The following TSPEAR variants were observed in gnomAD, a reference collection of about 807,000 sequenced individuals.
TSPEAR encodes the protein thrombospondin-type laminin G domain and EAR repeat-containing protein.
TSPEAR carries 69 observed loss-of-function variants against 71.6 expected under a neutral mutation model. That is an observed-to-expected ratio of 0.96 (90% CI 0.79 to 1.18). The LOEUF is 1.18. Ranked by LOEUF, TSPEAR falls within the 50% of genes most tolerant of loss-of-function variation. The pLI is 0.00. For synonymous variants in TSPEAR, 402 were observed against 387.2 expected (o/e 1.04, Z -0.45); for missense variants, 971 against 894.9 (o/e 1.09, Z -1.09).
intron 5 of TSPEAR, 89 bp from the exon 6 acceptor site, chr21:44,528,672 C>T (rs2052905964): frequency 6.6e-7 from 1 of 1,516,044 alleles, no homozygotes; most frequent in Admixed American, 2.1e-5. Context: ...ACCAGGCTGC[C>T]CTGCCTCAGC....
chr21:44,598,302 G>T (rs1206076096), intron 1 of TSPEAR, among the ~76,000 whole-genome samples: 1 of 152,168 alleles, frequency 6.6e-6, no homozygotes, highest in African/African-American at 2.4e-5. Context: ...TTTAAATTGT[G>T]CGGCGCAATC....
At chr21:44,702,478 G>A (rs1263890514) in intron 1 of TSPEAR, 74 of 1,608,878 alleles carry the variant, frequency 4.6e-5, no homozygotes, top group South Asian at 1.7e-4. Flanking sequence ...CTGTGTGCCC[G>A]TCTGCTGCAA....
chr21:44,517,793 G>A (rs949967419), intron 9 of TSPEAR: 8 of 471,208 alleles, frequency 1.7e-5, no homozygotes, highest in South Asian at 7.7e-5. Flanking sequence ...CAGGGCTGCC[G>A]ATGGGAAATC....
chr21:44,698,660 G>A (rs782420546), intron 1 of TSPEAR, among the ~76,000 whole-genome samples: 21 of 152,196 alleles, frequency 1.4e-4, no homozygotes, highest in Non-Finnish European at 2.2e-4. Context: ...AGAGAGGATG[G>A]CTCGCTCCAC....
rs8127026 is a variant in TSPEAR at position 44,531,203 on chromosome 21, A to G, written c.543-70T>C. The G allele has an allele frequency of 0.019, 23,786 of 1,266,424 alleles. 3,041 individuals are homozygous for G. In the African/African-American group the frequency reaches 0.29, roughly 15 times the overall value. The allele number at this position is 1,266,424 out of a possible 1,614,324, so 78.4% of individuals were successfully genotyped here. A position where few individuals can be genotyped will look rare whatever the true frequency, so the allele number is the denominator to read the frequency against. The stretch of plus-strand genomic sequence containing the variant: ...ACCCCAGTTTACTCACAGAAGGAAC[A>G]GGAACAAGCCCCTCACTAAGCAGCG... On this transcript the variant is annotated intron_variant, in intron 3 of 11. Coordinates refer to ENST00000323084, the MANE Select transcript of TSPEAR (RefSeq NM_144991.3).
At chr21:44,706,143 T>G (rs972571549) in intron 1 of TSPEAR, among the ~76,000 whole-genome samples, 5 of 152,160 alleles carry the variant, frequency 3.3e-5, no homozygotes, top group Non-Finnish European at 5.9e-5. Context: ...CCCAGACCCT[T>G]CCCAGTGCCC....
At chr21:44,607,398 G>A (rs587754610) in intron 1 of TSPEAR, among the ~76,000 whole-genome samples, 37 of 152,206 alleles carry the variant, frequency 2.4e-4, no homozygotes, top group Middle Eastern at 3.4e-3. Context: ...AGGTCAAAAC[G>A]TCACATTATA....
At chr21:44,556,396 A>AAC (rs1569183956) in intron 2 of TSPEAR, among the ~76,000 whole-genome samples, 7 of 151,624 alleles carry the variant, frequency 4.6e-5, no homozygotes, top group Admixed American at 1.3e-4. Context: ...ACAACAACAA[A>AAC]AAAAAAAACC....
intron 1 of TSPEAR, among the ~76,000 whole-genome samples, chr21:44,708,590 T>C (rs1569272614): frequency 1.3e-5 from 2 of 152,206 alleles, no homozygotes; most frequent in Admixed American, 6.5e-5. Context: ...CATCATTTAT[T>C]TCCTCAGTGC....
intron 1 of TSPEAR, among the ~76,000 whole-genome samples, chr21:44,619,014 A>C (rs1982282772): frequency 6.6e-6 from 1 of 152,170 alleles, no homozygotes; most frequent in African/African-American, 2.4e-5. Flanking sequence ...TGGCTCAGAA[A>C]AGAGCTGAGA....
chr21:44,619,377 G>A (rs1555933149), intron 1 of TSPEAR, among the ~76,000 whole-genome samples: 1 of 152,252 alleles, frequency 6.6e-6, no homozygotes, highest in Non-Finnish European at 1.5e-5. Context: ...CGCAGAGGGA[G>A]GAGAGCCTGA....
intron 1 of TSPEAR, among the ~76,000 whole-genome samples, chr21:44,644,160 T>A (rs1984175137): frequency 6.6e-6 from 1 of 152,198 alleles, no homozygotes; most frequent in East Asian, 1.9e-4. Flanking sequence ...TTTGATCATT[T>A]GATTGTCCAC....
In TSPEAR at chr21:44,509,279, G is replaced by A. The variant is rs782486383; in HGVS notation, c.1674C>T (p.Ser558=). 3.6e-5 allele frequency: 58 copies of A among 1,613,970 alleles called. 1 individual carries two copies. The South Asian group carries it at 4.5e-4, about 13-fold the overall frequency. The change falls in exon 10 of 12, where the codon TCC becomes TCT. Residue 558 remains serine (S), a synonymous_variant. Coordinates refer to ENST00000323084, the MANE Select transcript of TSPEAR (RefSeq NM_144991.3). ...CGTAGATGACGGAGTTGATGACATA[G>A]GAATCATTCTGGACTTGCATCTCCA... ...YDVEMQVQND[S]YVINSVIYEL... is the part of the protein sequence containing the mutation.
chr21:44,540,070 ACAG>A lies in TSPEAR; in HGVS notation c.304-6150_304-6148del, dbSNP rs200817562. 2,035 of 1,613,470 alleles carry A rather than the reference ACAG, an allele frequency of 1.3e-3. 28 individuals are homozygous for A. In the African/African-American group the frequency reaches 0.023, roughly 18 times the overall value. On this transcript the variant is annotated intron_variant, in intron 2 of 11. Coordinates refer to ENST00000323084, the MANE Select transcript of TSPEAR (RefSeq NM_144991.3). ...AGCTGAGGGCGCAGCAGTGGGGCTCACAGCAGCTCTCTGGGCAGGCATCCACCT... is the reference window on the plus strand; with the variant it reads ...AGCTGAGGGCGCAGCAGTGGGGCTCACAGCTCTCTGGGCAGGCATCCACCT...
rs782634898 is a variant in TSPEAR, at chr21:44,498,308, A to G, written c.*1475T>C. On this transcript the variant is annotated 3_prime_UTR_variant, in exon 12 of 12. Transcript: ENST00000323084. ...TCTTCCTTTCACAGGTGCTGACCCA[A>G]TGAGGCCAATCATGTGTGATTGGGA... 8 of 152,232 alleles carry G rather than the reference A, an allele frequency of 5.3e-5. No homozygotes were observed. Among genetic ancestry groups the G allele is most frequent in the African/African-American group, 1.9e-4 (8 of 41,444 alleles). 9.4% of individuals were successfully genotyped at this position (152,232 alleles called of 1,614,324 possible). A position where few individuals can be genotyped will look rare whatever the true frequency, so the allele number is the denominator to read the frequency against.
chr21:44,499,282 C>T lies in TSPEAR; in HGVS notation c.*501G>A, dbSNP rs587685413. On this transcript the variant is annotated 3_prime_UTR_variant, in exon 12 of 12. Transcript: ENST00000323084. ...GTGAGGGGCTGTGCCCACCCGCTGCCTAGAGAGGAGCACCGGTGCTTTTGT... is the reference window on the plus strand; with the variant it reads ...GTGAGGGGCTGTGCCCACCCGCTGCTTAGAGAGGAGCACCGGTGCTTTTGT... 2 of 153,126 alleles carry T rather than the reference C, an allele frequency of 1.3e-5. No individual in the cohort carries two copies. The highest frequency in any genetic ancestry group is 1.3e-4 in the Admixed American group (2 of 15,346). The allele number at this position is 153,126 out of a possible 1,614,324, so 9.5% of individuals were successfully genotyped here. A position where few individuals can be genotyped will look rare whatever the true frequency, so the allele number is the denominator to read the frequency against.
intron 9 of TSPEAR, chr21:44,518,287 GACCCTT>G: frequency 2.1e-6 from 1 of 469,162 alleles, no homozygotes; most frequent in South Asian, 1.6e-5. Context: ...AACATCCGGG[GACCCTT>G]AGCTGGAGAG....
At chr21:44,705,581 C>T (rs1300100770) in intron 1 of TSPEAR, among the ~76,000 whole-genome samples, 2 of 152,176 alleles carry the variant, frequency 1.3e-5, no homozygotes, top group Non-Finnish European at 2.9e-5. Flanking sequence ...CCCCCCGGGG[C>T]GTACCTGTCT....
At chr21:44,698,370 G>A (rs543968074) in intron 1 of TSPEAR, among the ~76,000 whole-genome samples, 33 of 152,154 alleles carry the variant, frequency 2.2e-4, no homozygotes, top group Non-Finnish European at 1.8e-4. Flanking sequence ...TGGGGCCCTC[G>A]CGCCCAGTCT....
Sources: allele counts gnomAD v4.1 joint callset (sites outside exome capture counted in the v4.1 genomes callset), GRCh38; gene constraint gnomAD v4.1.1; transcripts MANE v1.5; gene names NCBI Gene and HGNC (gene_info 2026-07-23, HGNC 2026-07-21).